Variants in ZFHX3 observed in about 807,000 individuals in gnomAD.
ZFHX3 encodes the protein zinc finger homeobox protein 3.
A neutral mutation model predicts 279.1 loss-of-function variants in ZFHX3; 42 were observed. That is an observed-to-expected ratio of 0.15 (90% confidence interval 0.12 to 0.19). ZFHX3 has a LOEUF of 0.19. ZFHX3 is among the 10% of genes least tolerant of loss of function. The probability of loss-of-function intolerance (pLI) is 1.00; values close to 1 mark genes in which losing one functional copy is unlikely to be tolerated. For missense variants in ZFHX3, 4,981 were observed against 4,754.0 expected (o/e 1.05, Z -1.40); for synonymous variants, 2,293 against 1,957.8 (o/e 1.17, Z -4.52).
At chr16:73,266,983 A>T (rs1308867340) in intron 4 of ZFHX3, among the ~76,000 whole-genome samples, 2 of 152,254 alleles carry the variant, frequency 1.3e-5, no homozygotes, top group African/African-American at 4.8e-5. Flanking sequence ...CAGAAAGGAG[A>T]TGTGAACCTA....
chr16:73,680,634 G>A (rs1377681059), intron 1 of ZFHX3, among the ~76,000 whole-genome samples: 1 of 152,158 alleles, frequency 6.6e-6, no homozygotes, highest in Non-Finnish European at 1.5e-5. Context: ...GTCTGCATCT[G>A]GGAAAGGTAC....
Position 73,185,819 on chromosome 16 carries a change from C to T in ZFHX3, c.-1103-41988G>A, listed in dbSNP as rs138588718. ...ACAGGGGTCCCCAATCCCCGGGCCA[C>T]GGACCAGTACTGGTCCATGGCCTGT... On this transcript the variant is annotated intron_variant, in intron 5 of 17. Coordinates refer to the ZFHX3 transcript ENST00000641206. 1.2e-3 allele frequency among the ~76,000 whole-genome samples: 186 copies of T among 152,210 alleles called. 4 individuals carry two copies. Among genetic ancestry groups the T allele is most frequent in the African/African-American group, 3.7e-3 (155 of 41,532 alleles).
At chr16:73,110,201 CA>C (rs879747443) in intron 7 of ZFHX3, among the ~76,000 whole-genome samples, 195 of 128,878 alleles carry the variant, frequency 1.5e-3, no homozygotes, top group Admixed American at 1.4e-3. Context: ...GAGACTGTCT[CA>C]AAAAAAAAAA....
chr16:73,520,888 T>G (rs1225769657), intron 2 of ZFHX3, among the ~76,000 whole-genome samples: 1 of 152,228 alleles, frequency 6.6e-6, no homozygotes, highest in Non-Finnish European at 1.5e-5. Flanking sequence ...AAAGTGATAC[T>G]GATAATATGT....
intron 3 of ZFHX3, among the ~76,000 whole-genome samples, chr16:72,902,670 C>A (rs577238715): frequency 1.8e-4 from 27 of 152,244 alleles, no homozygotes; most frequent in African/African-American, 5.3e-4. Flanking sequence ...TCCAATGGGC[C>A]TGAGCGCAAA....
At chr16:73,798,673 T>C (rs755011817) in intron 1 of ZFHX3, among the ~76,000 whole-genome samples, 1 of 152,148 alleles carries the variant, frequency 6.6e-6, no homozygotes, top group South Asian at 2.1e-4. Context: ...AGCTCTGTTG[T>C]ACATCACAGA....
In ZFHX3 at chr16:73,045,369, T is replaced by C. The variant is rs1018118334; in HGVS notation, c.-50+2383A>G. On this transcript the variant is annotated intron_variant, in intron 1 of 9. Transcript: ENST00000268489. ...TAGCAAGCATCATTTAAAGTCATAATGATGAAAACTAAATCTCGCTTATTT... is the reference window on the plus strand; with the variant it reads ...TAGCAAGCATCATTTAAAGTCATAACGATGAAAACTAAATCTCGCTTATTT... 2.5e-4 allele frequency among the ~76,000 whole-genome samples: 38 copies of C among 152,196 alleles called. 1 individual carries two copies. The highest frequency in any genetic ancestry group is 1.0e-4 in the Non-Finnish European group (7 of 68,036).
chr16:73,819,598 T>C (rs1567421001), intron 1 of ZFHX3, among the ~76,000 whole-genome samples: 1 of 151,990 alleles, frequency 6.6e-6, no homozygotes, highest in Non-Finnish European at 1.5e-5. Context: ...TCTTAACCAC[T>C]ATGAAGGGAA....
chr16:72,920,592 C>T (rs1053462921), intron 3 of ZFHX3, among the ~76,000 whole-genome samples: 6 of 151,950 alleles, frequency 3.9e-5, no homozygotes, highest in Non-Finnish European at 8.8e-5. Context: ...ATCACTTGAA[C>T]CCAGGAGGTG....
At chr16:73,435,473 G>A (rs1439788140) in intron 3 of ZFHX3, among the ~76,000 whole-genome samples, 4 of 152,290 alleles carry the variant, frequency 2.6e-5, no homozygotes, top group South Asian at 2.1e-4. Flanking sequence ...GCCTCCCAAA[G>A]TGCTGGGATT....
At position 72,794,052 on chromosome 16, in the gene ZFHX3, T is replaced by C. The variant is rs553591971; in HGVS notation, c.8630A>G (p.Lys2877Arg). The change falls in exon 9 of 10, where the codon AAA becomes AGA. Residue 2877 changes from lysine to arginine, a missense_variant. Physicochemically the swap from Lys to Arg is conservative, Grantham distance 26. Transcript: ENST00000268489. This position sits in a 1 kb window ranked among gnomAD's most constrained non-coding sequence, Gnocchi z 4.2. ...CTCAGACATTGCCATCATGGCCGCT[T>C]TGGTCAACCCTTCGTTGGGTGCAGA... ...SSSAPNEGLT[K>R]AAMMAMSEYE... 2.5e-6 allele frequency: 4 copies of C among 1,614,244 alleles called. No homozygotes were observed. In the South Asian group the frequency reaches 4.4e-5, roughly 18 times the overall value.
intron 4 of ZFHX3, among the ~76,000 whole-genome samples, chr16:72,839,864 G>C (rs565821835): frequency 6.6e-6 from 1 of 152,246 alleles, no homozygotes; most frequent in Admixed American, 6.5e-5. Context: ...TTTCAACAGA[G>C]CAGACCTGCC....
intron 7 of ZFHX3, among the ~76,000 whole-genome samples, chr16:73,110,576 A>G (rs1966360833): frequency 6.6e-6 from 1 of 152,144 alleles, no homozygotes; most frequent in East Asian, 1.9e-4. Flanking sequence ...ATTTTGTCCC[A>G]GCTTTTTTTG....
intron 4 of ZFHX3, among the ~76,000 whole-genome samples, chr16:73,318,001 A>G (rs2015492833): frequency 2.0e-5 from 3 of 152,188 alleles, no homozygotes; most frequent in Non-Finnish European, 4.4e-5. Flanking sequence ...TTGGGTTATG[A>G]GTCCTTACAG....
At chr16:73,634,749 G>A (rs1448739529) in intron 2 of ZFHX3, among the ~76,000 whole-genome samples, 3 of 152,024 alleles carry the variant, frequency 2.0e-5, no homozygotes, top group Admixed American at 6.6e-5. Flanking sequence ...GACCTTCCAA[G>A]TCACCAATGA....
chr16:73,043,219 A>G (rs1965178371), intron 1 of ZFHX3, among the ~76,000 whole-genome samples: 1 of 152,194 alleles, frequency 6.6e-6, no homozygotes, highest in Non-Finnish European at 1.5e-5. Context: ...CAAGCCAGCT[A>G]AGGCCCCTCT....
intron 2 of ZFHX3, among the ~76,000 whole-genome samples, chr16:73,466,324 A>G (rs2018569944): frequency 6.6e-6 from 1 of 152,192 alleles, no homozygotes; most frequent in South Asian, 2.1e-4. Flanking sequence ...TCTACAAAAA[A>G]GTAGGAAAAT....
At chr16:73,694,471 G>A (rs944145852) in intron 1 of ZFHX3, among the ~76,000 whole-genome samples, 2 of 152,130 alleles carry the variant, frequency 1.3e-5, no homozygotes, top group African/African-American at 4.8e-5. Flanking sequence ...ACCCTCCTGA[G>A]TAGCTGGGGC....
At chr16:73,824,026 G>C (rs1255990743) in intron 1 of ZFHX3, among the ~76,000 whole-genome samples, 3 of 152,190 alleles carry the variant, frequency 2.0e-5, no homozygotes, top group Non-Finnish European at 4.4e-5. Flanking sequence ...ATCTCAAGTT[G>C]ATTCCCTTAA....
Sources: gnomAD v4.1 joint callset for allele counts (sites outside exome capture counted in the v4.1 genomes callset) on GRCh38, gnomAD v4.1.1 for gene constraint, Gnocchi (gnomAD v3.1) non-coding constraint, MANE v1.5 for transcripts, NCBI Gene and HGNC (gene_info 2026-07-23, HGNC 2026-07-21) for gene names.